GATAD1: variants seen among roughly 807,000 people sequenced by gnomAD.
GATAD1 encodes GATA zinc finger domain containing 1.
GATAD1 carries 12 observed loss-of-function variants against 26.5 expected under a neutral mutation model. That is an observed-to-expected ratio of 0.45 (90% CI 0.29 to 0.73). The LOEUF (loss-of-function observed/expected upper bound fraction) is 0.73. Ranked by LOEUF, GATAD1 falls within the 30% of genes least tolerant of loss-of-function variation. GATAD1 has a pLI of 0.10. For missense variants in GATAD1, 266 were observed against 342.1 expected (o/e 0.78, Z 1.75); for synonymous variants, 129 against 133.1 (o/e 0.97, Z 0.21).
At chr7:92,490,201 C>A in the GATAD1 span, 96 of 379,848 alleles carry the variant, frequency 2.5e-4, no homozygotes, top group Admixed American at 8.6e-4. Flanking sequence ...GGACAGGTTT[C>A]TTCATTTTCA....
the GATAD1 span, among the ~76,000 whole-genome samples, chr7:92,473,883 C>T: frequency 6.6e-6 from 1 of 152,118 alleles, no homozygotes; most frequent in Non-Finnish European, 1.5e-5. Context: ...CAGGCACCCT[C>T]AGTCCTGCTG....
chr7:92,461,342 G>T (rs892169440), downstream of GATAD1: 7 of 152,168 alleles, frequency 4.6e-5, no homozygotes, highest in African/African-American at 1.7e-4. Context: ...CTGACTTAAG[G>T]CCCCAACACC....
At position 92,459,529 on chromosome 7, in the gene GATAD1, C is replaced by T. The variant is rs1349251063; in HGVS notation, c.*2967C>T. 1.3e-5 allele frequency: 2 copies of T among 152,236 alleles called. No homozygotes were observed. Among genetic ancestry groups the T allele is most frequent in the Non-Finnish European group, 2.9e-5 (2 of 68,074 alleles). 9.4% of individuals were successfully genotyped at this position (152,236 alleles called of 1,614,324 possible). ...CTTGTTTCCTCATTACCACTAAAATCTTTCCCCTGTATGCCCGCCCAATTT... is the reference window on the plus strand; with the variant it reads ...CTTGTTTCCTCATTACCACTAAAATTTTTCCCCTGTATGCCCGCCCAATTT... On this transcript the variant is annotated 3_prime_UTR_variant, in exon 5 of 5. Coordinates refer to ENST00000287957, the MANE Select transcript of GATAD1 (RefSeq NM_021167.5).
the GATAD1 span, among the ~76,000 whole-genome samples, chr7:92,484,530 C>T: frequency 9.9e-5 from 15 of 152,274 alleles, no homozygotes; most frequent in South Asian, 1.2e-3. Flanking sequence ...TTCCCAAGTC[C>T]GTGACTGGTG....
chr7:92,476,643 CTG>C, the GATAD1 span, among the ~76,000 whole-genome samples: 1 of 151,978 alleles, frequency 6.6e-6, no homozygotes, highest in Non-Finnish European at 1.5e-5. Context: ...GTCTCTCTCA[CTG>C]TCTCTCTCTC....
downstream of GATAD1, among the ~76,000 whole-genome samples, chr7:92,460,290 G>T (rs1405749273): frequency 6.6e-6 from 1 of 152,172 alleles, no homozygotes; most frequent in Admixed American, 6.5e-5. Flanking sequence ...CATTTTTGTG[G>T]ATTTTGTCTG....
At position 92,454,674 on chromosome 7, in the gene GATAD1, C is replaced by T. The variant is rs762414487; in HGVS notation, c.608C>T (p.Ser203Phe). 2 of 1,585,288 alleles carry T rather than the reference C, an allele frequency of 1.3e-6. No homozygotes were observed. The highest frequency in any genetic ancestry group is 2.3e-5 in the South Asian group (2 of 85,226). The change falls in exon 4 of 5, where the codon TCC becomes TTC. Residue 203 changes from serine (S) to phenylalanine (F), a missense_variant. Transcript: ENST00000287957. ...SSPRDQFDPA[S>F]YIIGPEEDLP... Reference sequence around the variant, plus strand: ...CCCAGAGACCAATTTGATCCCGCCTCCTATATCATAGGTAAGTTTGACAAA... The same window carrying T: ...CCCAGAGACCAATTTGATCCCGCCTTCTATATCATAGGTAAGTTTGACAAA...
At position 92,456,588 on chromosome 7, in the gene GATAD1, G is replaced by A; in HGVS notation, c.*26G>A. ...TTCACAAATTAAAACTGGGTTTCCAGGCCTGGTGTGGTGGCTCACGCCTGT... is the reference window on the plus strand; with the variant it reads ...TTCACAAATTAAAACTGGGTTTCCAAGCCTGGTGTGGTGGCTCACGCCTGT... On this transcript the variant is annotated 3_prime_UTR_variant, in exon 5 of 5. Transcript: ENST00000287957. 6.6e-7 allele frequency: 1 copy of A among 1,524,482 alleles called. No individual in the cohort carries two copies. The highest frequency in any genetic ancestry group is 1.4e-5 in the African/African-American group (1 of 73,238). The allele number at this position is 1,524,482 out of a possible 1,614,324, so 94.4% of individuals were successfully genotyped here. A position where few individuals can be genotyped will look rare whatever the true frequency, so the allele number is the denominator to read the frequency against.
chr7:92,476,408 G>A, the GATAD1 span, among the ~76,000 whole-genome samples: 3 of 152,180 alleles, frequency 2.0e-5, no homozygotes, highest in Non-Finnish European at 4.4e-5. Context: ...GGGAAGCTAC[G>A]GGTTGTCAAT....
the GATAD1 span, among the ~76,000 whole-genome samples, chr7:92,479,856 T>A: frequency 6.6e-6 from 1 of 152,044 alleles, no homozygotes; most frequent in Non-Finnish European, 1.5e-5. Context: ...TTTGTATGAA[T>A]TGAAAAACTA....
chr7:92,472,457 C>T, the GATAD1 span: 1 of 152,242 alleles, frequency 6.6e-6, no homozygotes, highest in South Asian at 2.1e-4. Context: ...GTTGCAAGCT[C>T]ATCCCTCGGA....
the GATAD1 span, among the ~76,000 whole-genome samples, chr7:92,480,213 C>G: frequency 6.6e-6 from 1 of 152,124 alleles, no homozygotes; most frequent in Admixed American, 6.5e-5. Flanking sequence ...AAGGCCAACC[C>G]AAGGAATTAT....
downstream of GATAD1, among the ~76,000 whole-genome samples, chr7:92,460,142 C>T (rs1038791338): frequency 6.6e-6 from 1 of 152,210 alleles, no homozygotes; most frequent in East Asian, 1.9e-4. Context: ...CCACTTCAGC[C>T]GTAAGTAGGT....
chr7:92,452,257 G>A (rs1319757527), intron 3 of GATAD1, among the ~76,000 whole-genome samples: 3 of 152,170 alleles, frequency 2.0e-5, no homozygotes, highest in Admixed American at 1.3e-4. Flanking sequence ...CTGTACTTTC[G>A]TATTGTTGTC....
chr7:92,451,000 T>C (rs1158274379), intron 3 of GATAD1, among the ~76,000 whole-genome samples: 1 of 152,190 alleles, frequency 6.6e-6, no homozygotes, highest in Non-Finnish European at 1.5e-5. Context: ...TAAGTATTTT[T>C]TTTTAGTGTA....
the GATAD1 span, chr7:92,489,450 G>T: frequency 1.2e-6 from 2 of 1,603,946 alleles, no homozygotes; most frequent in Admixed American, 1.7e-5. Flanking sequence ...AATTGACGAA[G>T]AGTTAAATTA....
the GATAD1 span, chr7:92,468,334 C>A: frequency 5.8e-6 from 1 of 171,596 alleles, no homozygotes. Flanking sequence ...TGGTGGATGG[C>A]GAGCGAAAGC....
At chr7:92,461,225 T>A (rs1482750233), downstream of GATAD1, 1 of 152,274 alleles carries the variant, frequency 6.6e-6, no homozygotes, top group Non-Finnish European at 1.5e-5. Context: ...GGTGCCTGTA[T>A]CATCTGAATT....
chr7:92,476,118 A>AT, the GATAD1 span, among the ~76,000 whole-genome samples: 1 of 152,220 alleles, frequency 6.6e-6, no homozygotes, highest in African/African-American at 2.4e-5. Flanking sequence ...TTGTATGGTA[A>AT]TTAAGATTTA....
Sources: allele counts gnomAD v4.1 joint callset (sites outside exome capture counted in the v4.1 genomes callset), GRCh38; gene constraint gnomAD v4.1.1; transcripts MANE v1.5; gene names NCBI Gene and HGNC (gene_info 2026-07-23, HGNC 2026-07-21).